COL6A2: variants seen among roughly 807,000 people sequenced by gnomAD.
COL6A2 encodes the protein collagen alpha-2(VI) chain.
COL6A2 carries 90 observed loss-of-function variants against 124.9 expected under a neutral mutation model. The observed-to-expected ratio is 0.72, with a 90% CI of 0.61 to 0.86. The LOEUF is 0.86. Ranked by LOEUF, COL6A2 falls within the 40% of genes least tolerant of loss-of-function variation. The probability of loss-of-function intolerance (pLI) is 0.00; values close to 1 mark genes in which losing one functional copy is unlikely to be tolerated. For missense variants in COL6A2, 1,607 were observed against 1,502.5 expected (o/e 1.07, Z -1.15); for synonymous variants, 793 against 618.2 (o/e 1.28, Z -4.19).
At chr21:46,126,471 T>TGGCCCGGCCCGGCCCGGCCC (rs773119720) in intron 26 of COL6A2, 32 bp from the exon 27 acceptor site, 4 of 1,599,952 alleles carry the variant, frequency 2.5e-6, no homozygotes, top group Non-Finnish European at 3.4e-6. Context: ...GGACTGACCC[T>TGGCCCGGCCCGGCCCGGCCC]GGCCTGGCCC....
In COL6A2 at chr21:46,124,936, G is replaced by T. The variant is rs1377806820; in HGVS notation, c.1770+16G>T. ...CGGTCTCACGGTAGGTGTCACATGG[G>T]GCAGAACCAGTGTCCTTCTCCTGCC... On this transcript the variant is annotated intron_variant, in intron 23 of 27. Transcript: ENST00000300527. 6.2e-7 allele frequency: 1 copy of T among 1,612,844 alleles called. No individual in the cohort carries two copies.
intron 5 of COL6A2, among the ~76,000 whole-genome samples, chr21:46,115,331 TCC>T (rs1394536867): frequency 6.6e-6 from 1 of 152,188 alleles, no homozygotes; most frequent in African/African-American, 2.4e-5. Context: ...TCTTAATTCT[TCC>T]CCTTTCCTCT....
At position 46,112,834 on chromosome 21, in the gene COL6A2, G is replaced by A. The variant is rs748325597; in HGVS notation, c.735+10G>A. ...CGAAGCCTACGGAGAGGTGAGTGGC[G>A]CTTCCCTTCCTGCCAGTGCTGGCCG... On this transcript the variant is annotated intron_variant, in intron 4 of 27. Coordinates refer to ENST00000300527, the MANE Select transcript of COL6A2 (RefSeq NM_001849.4). 22 of 1,613,424 alleles carry A rather than the reference G, an allele frequency of 1.4e-5. No homozygotes were observed. Among genetic ancestry groups the A allele is most frequent in the Middle Eastern group, 1.6e-4 (1 of 6,084 alleles).
chr21:46,131,508 G>A (rs2078759506), intron 27 of COL6A2, among the ~76,000 whole-genome samples: 1 of 152,234 alleles, frequency 6.6e-6, no homozygotes, highest in Non-Finnish European at 1.5e-5. Context: ...GTTCTGAGCA[G>A]CTCTGGGACC....
intron 3 of COL6A2, 69 bp from the exon 4 acceptor site, chr21:46,112,735 C>T (rs988407376): frequency 5.0e-6 from 8 of 1,610,950 alleles, no homozygotes; most frequent in South Asian, 1.1e-5. Flanking sequence ...CATCCCCACC[C>T]AGACTCGAGG....
In COL6A2 at chr21:46,111,509, C is replaced by G. The variant is rs765568801; in HGVS notation, c.33C>G (p.Leu11=). MLQGTCSVLL[L]WGILGAIQAQ... is the part of the protein sequence containing the mutation. ...AGGGCACCTGCTCCGTGCTCCTGCT[C>G]TGGGGAATCCTGGGGGCCATCCAGG... Residue 11 remains leucine, a synonymous_variant, in exon 2 of 28, where the codon CTC becomes CTG. Transcript: ENST00000300527. The G allele has an allele frequency of 1.1e-5, 17 of 1,612,914 alleles. No individual in the cohort carries two copies. The highest frequency in any genetic ancestry group is 1.4e-5 in the Non-Finnish European group (16 of 1,179,880).
intron 1 of COL6A2, among the ~76,000 whole-genome samples, chr21:46,102,706 AT>A (rs35972772): frequency 0.31 from 45,490 of 147,108 alleles, 6,968 homozygotes; most frequent in South Asian, 0.51. Context: ...ACATTGATTG[AT>A]TTTTTTTTTT....
At position 46,125,942 on chromosome 21, in the gene COL6A2, T is replaced by C. The variant is rs758288028; in HGVS notation, c.2127T>C (p.Phe709=). The C allele has an allele frequency of 3.1e-6, 5 of 1,613,084 alleles. No homozygotes were observed. The highest frequency in any genetic ancestry group is 4.2e-6 in the Non-Finnish European group (5 of 1,179,946). ...CCTGGACACCCTCAGCCCTCAAGTT[T>C]GCCTACGACCGCCTCATCAAGGAGA... The part of the protein sequence containing the change: ...GGTWTPSALK[F]AYDRLIKESR... The change falls in exon 26 of 28, where the codon TTT becomes TTC. Residue 709 remains phenylalanine, a synonymous_variant. Coordinates refer to ENST00000300527, the MANE Select transcript of COL6A2 (RefSeq NM_001849.4).
chr21:46,132,420 G>A lies in COL6A2; in HGVS notation c.2928G>A (p.Leu976=), dbSNP rs746018980. 8 of 1,607,304 alleles carry A rather than the reference G, an allele frequency of 5.0e-6. No individual in the cohort carries two copies. In the African/African-American group the frequency reaches 9.3e-5, roughly 19 times the overall value. Residue 976 remains leucine (L), a synonymous_variant, in exon 28 of 28, where the codon TTG becomes TTA. Transcript: ENST00000300527. ...ACGTGGTACCCACCGTGCTGGCCTT[G>A]GGCAGCGACGTGGACATGGACGTGC... ...KQNVVPTVLA[L]GSDVDMDVLT...
Position 46,119,975 on chromosome 21 carries a change from ACT to A in COL6A2, c.1332+130_1332+131del, listed in dbSNP as rs2078534949. On this transcript the variant is annotated intron_variant, in intron 15 of 27. Transcript: ENST00000300527. The stretch of plus-strand genomic sequence containing the variant: ...CCCAGGGCCTCACTCTCCAGAGTTC[ACT>A]CTCTGCAGAGTCTGGGAATGCAGCC... 17 of 865,676 alleles carry A rather than the reference ACT, an allele frequency of 2.0e-5. No homozygotes were observed. In the East Asian group the frequency reaches 4.5e-4, roughly 23 times the overall value. 53.6% of individuals were successfully genotyped at this position (865,676 alleles called of 1,614,324 possible).
At chr21:46,129,501 ACCCGCCCAGCCGGGCTGGGCC>A in intron 27 of COL6A2, 1 of 1,539,078 alleles carries the variant, frequency 6.5e-7, no homozygotes. Context: ...AAGCCCGGGC[ACCCGCCCAGCCGGGCTGGGCC>A]CTCCCTGCCA....
chr21:46,121,259 C>A, intron 17 of COL6A2, 136 bp downstream of exon 17: 1 of 879,302 alleles, frequency 1.1e-6, no homozygotes, highest in Non-Finnish European at 1.8e-6. Context: ...GAAGCCAGGA[C>A]CTGCTCCCCT....
intron 27 of COL6A2, 62 bp downstream of exon 27, chr21:46,126,603 C>G: frequency 6.2e-7 from 1 of 1,602,192 alleles, no homozygotes; most frequent in South Asian, 1.1e-5. Flanking sequence ...TGTCCTTCCT[C>G]CTCGAGGGCC....
chr21:46,118,271 A>G (rs538650457), intron 12 of COL6A2, among the ~76,000 whole-genome samples: 1 of 152,182 alleles, frequency 6.6e-6, no homozygotes, highest in East Asian at 1.9e-4. Context: ...GGCCGCCTGC[A>G]GTGTCGCCCC....
Position 46,117,485 on chromosome 21 carries a change from C to T in COL6A2, c.1053+32C>T, listed in dbSNP as rs181804801. ...GCCGTTTGCACCCCTCCTTCAGCCT[C>T]GGCCCAGGGGGTGTGGGTGCCTGAC... On this transcript the variant is annotated intron_variant, in intron 11 of 27. Coordinates refer to ENST00000300527, the MANE Select transcript of COL6A2 (RefSeq NM_001849.4). 2.7e-4 allele frequency: 430 copies of T among 1,609,434 alleles called. 1 individual carries two copies. Among genetic ancestry groups the T allele is most frequent in the Admixed American group, 7.3e-4 (44 of 59,938 alleles).
Position 46,116,542 on chromosome 21 carries a change from G to C in COL6A2, c.928-109G>C. The C allele has an allele frequency of 6.3e-7, 1 of 1,580,520 alleles. No individual in the cohort carries two copies. Among genetic ancestry groups the C allele is most frequent in the Non-Finnish European group, 8.7e-7 (1 of 1,154,320 alleles). On this transcript the variant is annotated intron_variant, in intron 8 of 27. Coordinates refer to ENST00000300527, the MANE Select transcript of COL6A2 (RefSeq NM_001849.4). The surrounding 1 kb of genome is among the most constrained non-coding windows in gnomAD (Gnocchi z 4.6). Reference sequence around the variant, plus strand: ...CAGTGGTGGCTTTGGGGGCTCCTGGGGGGTCCTGTGGCCTTGAGTTTGGCC... The same window carrying C: ...CAGTGGTGGCTTTGGGGGCTCCTGGCGGGTCCTGTGGCCTTGAGTTTGGCC...
intron 5 of COL6A2, among the ~76,000 whole-genome samples, 181 bp downstream of exon 5, chr21:46,114,254 G>C (rs904395746): frequency 6.6e-6 from 1 of 151,770 alleles, no homozygotes; most frequent in Non-Finnish European, 1.5e-5. Context: ...GTGAAACCCT[G>C]TCTCTACTAA....
chr21:46,116,066 G>A lies in COL6A2; in HGVS notation c.900+13G>A, dbSNP rs767295307. 2.2e-5 allele frequency: 34 copies of A among 1,570,542 alleles called. No homozygotes were observed. The highest frequency in any genetic ancestry group is 1.7e-4 in the Middle Eastern group (1 of 5,794). On this transcript the variant is annotated intron_variant, in intron 7 of 27. Transcript: ENST00000300527. This position sits in a 1 kb window ranked among gnomAD's most constrained non-coding sequence, Gnocchi z 4.6. ...CCCAGGACCCAAGGTGAGTGACCTC[G>A]GCCAGGGGCTTGGCTCCACCCTGAG... is the stretch of plus-strand genomic sequence containing the variant.
chr21:46,123,177 A>G (rs374297390), intron 21 of COL6A2, among the ~76,000 whole-genome samples: 3 of 47,222 alleles, frequency 6.4e-5, no homozygotes, highest in Non-Finnish European at 1.5e-4. Context: ...CATCCCCCAC[A>G]AGGGTCCCCT....
Sources: gnomAD v4.1 joint callset for allele counts (sites outside exome capture counted in the v4.1 genomes callset) on GRCh38, gnomAD v4.1.1 for gene constraint, Gnocchi (gnomAD v3.1) non-coding constraint, MANE v1.5 for transcripts, NCBI Gene and HGNC (gene_info 2026-07-23, HGNC 2026-07-21) for gene names.